Variants in NEDD4L observed in about 807,000 individuals in gnomAD.
The protein encoded by NEDD4L is NEDD4 like E3 ubiquitin protein ligase.
Under a neutral mutation model 148.9 loss-of-function variants are expected in NEDD4L, and 54 were observed. The ratio of observed to expected loss-of-function variants is 0.36; its 90% CI spans 0.29 to 0.45. The LOEUF is 0.45. NEDD4L is among the 20% of genes least tolerant of loss of function. The probability of loss-of-function intolerance (pLI) is 1.00; values close to 1 mark genes in which losing one functional copy is unlikely to be tolerated. For missense variants in NEDD4L, 856 were observed against 1,233.8 expected (o/e 0.69, Z 4.59); for synonymous variants, 433 against 440.7 (o/e 0.98, Z 0.22).
intron 1 of NEDD4L, among the ~76,000 whole-genome samples, chr18:58,077,381 G>A (rs2083228385): frequency 6.6e-6 from 1 of 151,886 alleles, no homozygotes; most frequent in Non-Finnish European, 1.5e-5. Flanking sequence ...TGCCCAGGCT[G>A]GCCTGGAATT....
At chr18:58,177,877 TAAGTG>T (rs2038362980) in intron 2 of NEDD4L, among the ~76,000 whole-genome samples, 1 of 152,260 alleles carries the variant, frequency 6.6e-6, no homozygotes, top group Non-Finnish European at 1.5e-5. Flanking sequence ...ATTTATAAGT[TAAGTG>T]AACTGGCAAA....
At chr18:58,263,678 TC>T (rs143440276) in intron 5 of NEDD4L, among the ~76,000 whole-genome samples, 17,273 of 135,416 alleles carry the variant, frequency 0.13, 1,278 homozygotes, top group Non-Finnish European at 0.16. Context: ...TTTTTTTTTT[TC>T]TCTCTCTCAT....
At chr18:58,102,681 A>G (rs2084829307) in intron 1 of NEDD4L, among the ~76,000 whole-genome samples, 1 of 152,202 alleles carries the variant, frequency 6.6e-6, no homozygotes, top group Admixed American at 6.5e-5. Context: ...ACATCTATTT[A>G]TGTAGCACTT....
intron 4 of NEDD4L, among the ~76,000 whole-genome samples, chr18:58,251,589 A>G (rs1035976634): frequency 6.6e-6 from 1 of 152,118 alleles, no homozygotes; most frequent in Non-Finnish European, 1.5e-5. Flanking sequence ...ACACAGATAC[A>G]TTCTTAAGCT....
chr18:58,295,549 GA>G (rs2055435310), intron 5 of NEDD4L, among the ~76,000 whole-genome samples: 1 of 152,138 alleles, frequency 6.6e-6, no homozygotes, highest in South Asian at 2.1e-4. Flanking sequence ...TGGCAATTAT[GA>G]ATAAAGCTGC....
At chr18:58,193,134 G>C (rs1374690870) in intron 2 of NEDD4L, among the ~76,000 whole-genome samples, 1 of 152,122 alleles carries the variant, frequency 6.6e-6, no homozygotes, top group Non-Finnish European at 1.5e-5. Flanking sequence ...TTATTTAGGA[G>C]CTATTTCTTT....
intron 9 of NEDD4L, among the ~76,000 whole-genome samples, chr18:58,326,895 T>G (rs531215663): frequency 6.6e-6 from 1 of 152,324 alleles, no homozygotes; most frequent in East Asian, 1.9e-4. Context: ...AAATATATAC[T>G]ATTTTTTTGA....
chr18:58,170,300 T>C (rs930404323), intron 2 of NEDD4L, among the ~76,000 whole-genome samples: 1 of 152,014 alleles, frequency 6.6e-6, no homozygotes, highest in Non-Finnish European at 1.5e-5. Context: ...GCCCGCCTCA[T>C]CACCCCAGCC....
chr18:58,387,273 G>T (rs138647949), intron 26 of NEDD4L, among the ~76,000 whole-genome samples, 166 bp from the exon 27 acceptor site: 56 of 152,272 alleles, frequency 3.7e-4, no homozygotes, highest in African/African-American at 1.2e-3. Context: ...TATTGTGACT[G>T]TGCTGTTTTT....
chr18:58,238,777 G>C (rs1384551171), intron 2 of NEDD4L, among the ~76,000 whole-genome samples: 1 of 152,156 alleles, frequency 6.6e-6, no homozygotes, highest in East Asian at 1.9e-4. Context: ...CTTCTGCCAT[G>C]TTGTTTCCCA....
chr18:58,395,949 T>C (rs2050439698), intron 30 of NEDD4L, among the ~76,000 whole-genome samples: 1 of 152,158 alleles, frequency 6.6e-6, no homozygotes, highest in African/African-American at 2.4e-5. Flanking sequence ...ATAGCAAAGG[T>C]TTCATGGACC....
intron 1 of NEDD4L, among the ~76,000 whole-genome samples, chr18:58,147,640 A>G (rs1318247771): frequency 1.3e-5 from 2 of 152,214 alleles, no homozygotes; most frequent in African/African-American, 4.8e-5. Context: ...CTCTGCTAAT[A>G]TAAGAGGCAT....
chr18:58,178,171 G>A (rs2038398030), intron 2 of NEDD4L, among the ~76,000 whole-genome samples: 1 of 152,190 alleles, frequency 6.6e-6, no homozygotes. Context: ...AACTGGGAGT[G>A]TCAGTGTTAT....
At position 58,248,781 on chromosome 18, in the gene NEDD4L, G is replaced by A. The variant is rs546865047; in HGVS notation, c.205-118G>A. On this transcript the variant is annotated intron_variant, in intron 3 of 30. Coordinates refer to ENST00000400345, the MANE Select transcript of NEDD4L (RefSeq NM_001144967.3). ...GCTAGTCTCAAATAATCGACTAAAT[G>A]CTTCTCTTAGCTTTTTTTAATCAAA... The A allele has an allele frequency of 6.7e-4, 405 of 608,680 alleles. 8 individuals carry two copies. The South Asian group carries it at 8.2e-3, about 12-fold the overall frequency. 37.7% of individuals were successfully genotyped at this position (608,680 alleles called of 1,614,324 possible).
At chr18:58,083,114 A>G (rs544026764) in intron 1 of NEDD4L, among the ~76,000 whole-genome samples, 1 of 152,338 alleles carries the variant, frequency 6.6e-6, no homozygotes, top group South Asian at 2.1e-4. Flanking sequence ...ATACCATTTA[A>G]TACCAGTAAA....
chr18:58,352,195 A>G (rs2043975319), intron 18 of NEDD4L, among the ~76,000 whole-genome samples: 1 of 152,260 alleles, frequency 6.6e-6, no homozygotes, highest in Non-Finnish European at 1.5e-5. Flanking sequence ...AAAAATGGGC[A>G]GATTTGTCAA....
rs2050747447 is a variant in NEDD4L at position 58,399,974 on chromosome 18, A to G, written c.*3705A>G. The G allele has an allele frequency of 6.6e-6, 1 of 152,192 alleles. No individual in the cohort carries two copies. Among genetic ancestry groups the G allele is most frequent in the African/African-American group, 2.4e-5 (1 of 41,440 alleles). The allele number at this position is 152,192 out of a possible 1,614,324, so 9.4% of individuals were successfully genotyped here. Reference sequence around the variant, plus strand: ...TTACCCATTAACAGTCGACTCCTGTATTTCTGAGAGTCTTGTACTCACCTC... The same window carrying G: ...TTACCCATTAACAGTCGACTCCTGTGTTTCTGAGAGTCTTGTACTCACCTC... On this transcript the variant is annotated 3_prime_UTR_variant, in exon 31 of 31. Transcript: ENST00000400345.
intron 5 of NEDD4L, among the ~76,000 whole-genome samples, chr18:58,272,415 C>G (rs946357519): frequency 1.3e-5 from 2 of 152,122 alleles, no homozygotes; most frequent in Non-Finnish European, 2.9e-5. Flanking sequence ...GCAGATAGAT[C>G]GTTTAAGCTC....
intron 1 of NEDD4L, among the ~76,000 whole-genome samples, chr18:58,056,168 C>T (rs1051642963): frequency 6.6e-6 from 1 of 152,150 alleles, no homozygotes; most frequent in African/African-American, 2.4e-5. Context: ...CCCCCTTCCC[C>T]CAGCCTTTTA....
Sources: gnomAD v4.1 joint callset for allele counts (sites outside exome capture counted in the v4.1 genomes callset) on GRCh38, gnomAD v4.1.1 for gene constraint, MANE v1.5 for transcripts, NCBI Gene and HGNC (gene_info 2026-07-23, HGNC 2026-07-21) for gene names.